ATP8A2: variants seen among roughly 807,000 people sequenced by gnomAD.
ATP8A2 encodes the protein ATPase phospholipid transporting 8A2.
A neutral mutation model predicts 165.6 loss-of-function variants in ATP8A2; 100 were observed. The observed-to-expected ratio is 0.60, with a 90% CI of 0.51 to 0.71. ATP8A2 has a LOEUF of 0.71. ATP8A2 is among the 30% of genes least tolerant of loss of function. ATP8A2 has a pLI of 0.00. For synonymous variants in ATP8A2, 543 were observed against 548.8 expected, an observed-to-expected ratio of 0.99 and a Z score of 0.15; for missense variants, 1,227 against 1,479.5, an observed-to-expected ratio of 0.83 and a Z score of 2.80.
chr13:25,545,568 G>A (rs2038622775), intron 10 of ATP8A2, among the ~76,000 whole-genome samples: 1 of 152,138 alleles, frequency 6.6e-6, no homozygotes, highest in African/African-American at 2.4e-5. Flanking sequence ...CCATAGTGCA[G>A]TGTCAGTAAC....
At chr13:25,982,360 A>T (rs963626437) in intron 35 of ATP8A2, among the ~76,000 whole-genome samples, 27 of 152,230 alleles carry the variant, frequency 1.8e-4, no homozygotes, top group African/African-American at 6.3e-4. Flanking sequence ...TGCTTTTCAC[A>T]TGACGCAGAA....
chr13:25,749,725 T>C (rs896840740), intron 25 of ATP8A2, among the ~76,000 whole-genome samples: 1 of 152,128 alleles, frequency 6.6e-6, no homozygotes, highest in South Asian at 2.1e-4. Flanking sequence ...AGCAGCCAAC[T>C]CATGTTCCTT....
At chr13:25,530,697 G>A in intron 4 of ATP8A2, 37 bp downstream of exon 4, 1 of 1,248,304 alleles carries the variant, frequency 8.0e-7, no homozygotes, top group South Asian at 1.3e-5. Flanking sequence ...ATCATTGTAT[G>A]CAGTAGATAA....
chr13:25,746,937 A>C (rs2138177160), intron 25 of ATP8A2, among the ~76,000 whole-genome samples: 1 of 152,274 alleles, frequency 6.6e-6, no homozygotes, highest in South Asian at 2.1e-4. Flanking sequence ...CCATGATCAA[A>C]GCTTCTTAGA....
rs549448991 is a variant in ATP8A2, at chr13:25,886,191, A to G, written c.3183+23783A>G. ...AAGTATATATATTTATGTATCTGTA[A>G]CTAATGAATACTGACATTAAGCTTT... is the stretch of plus-strand genomic sequence containing the variant. On this transcript the variant is annotated intron_variant, in intron 33 of 36. Coordinates refer to ENST00000381655, the MANE Select transcript of ATP8A2 (RefSeq NM_016529.6). Among the ~76,000 whole-genome samples the G allele has an allele frequency of 8.5e-5, 13 of 152,342 alleles. No individual in the cohort carries two copies. The South Asian group carries it at 2.7e-3, about 32-fold the overall frequency.
intron 27 of ATP8A2, among the ~76,000 whole-genome samples, chr13:25,791,479 G>A (rs1287073987): frequency 1.3e-5 from 2 of 150,848 alleles, no homozygotes; most frequent in Non-Finnish European, 2.9e-5. Flanking sequence ...AAACCACCAT[G>A]ACACAAGTTT....
chr13:25,698,977 G>A (rs2042892931), intron 24 of ATP8A2, among the ~76,000 whole-genome samples, 196 bp from the exon 25 acceptor site: 1 of 152,146 alleles, frequency 6.6e-6, no homozygotes, highest in Non-Finnish European at 1.5e-5. Flanking sequence ...TCACTATGAA[G>A]ATGTTTGTAC....
chr13:25,770,741 C>G (rs1364302050), intron 26 of ATP8A2, among the ~76,000 whole-genome samples: 1 of 152,176 alleles, frequency 6.6e-6, no homozygotes, highest in Non-Finnish European at 1.5e-5. Flanking sequence ...GGGCCTGTCC[C>G]TCTGTCTCCA....
At chr13:25,648,838 G>T (rs1235955427) in intron 24 of ATP8A2, among the ~76,000 whole-genome samples, 2 of 152,114 alleles carry the variant, frequency 1.3e-5, no homozygotes, top group Non-Finnish European at 2.9e-5. Context: ...ATTGTTGTGG[G>T]TTTTGTATTG....
intron 33 of ATP8A2, among the ~76,000 whole-genome samples, chr13:25,891,960 A>T (rs1953377096): frequency 6.6e-6 from 1 of 151,600 alleles, no homozygotes; most frequent in Non-Finnish European, 1.5e-5. Flanking sequence ...TTTTAAAAAG[A>T]TGGAGATGTA....
chr13:25,439,152 C>T (rs1228097226), intron 1 of ATP8A2, among the ~76,000 whole-genome samples: 4 of 152,200 alleles, frequency 2.6e-5, no homozygotes, highest in Non-Finnish European at 4.4e-5. Flanking sequence ...CTGAAGAAAA[C>T]GTAGCGACAG....
intron 2 of ATP8A2, among the ~76,000 whole-genome samples, chr13:25,507,369 A>G (rs116483726): frequency 0.059 from 9,016 of 151,742 alleles, 337 homozygotes; most frequent in South Asian, 0.13. Context: ...AGGTTCTAGC[A>G]ATTCTCCTGC....
intron 24 of ATP8A2, among the ~76,000 whole-genome samples, chr13:25,685,720 G>T (rs34406808): frequency 2.0e-5 from 3 of 151,964 alleles, no homozygotes; most frequent in Non-Finnish European, 2.9e-5. Context: ...TGGCACCAGA[G>T]GAGGTCAGAG....
chr13:25,513,453 A>C (rs1387008073), intron 2 of ATP8A2, among the ~76,000 whole-genome samples: 1 of 149,858 alleles, frequency 6.7e-6, no homozygotes, highest in Non-Finnish European at 1.5e-5. Context: ...GGCCGGGAAG[A>C]GGCGCTCCTC....
intron 33 of ATP8A2, among the ~76,000 whole-genome samples, chr13:25,932,490 A>C (rs917098822): frequency 2.0e-5 from 3 of 152,188 alleles, no homozygotes; most frequent in African/African-American, 7.2e-5. Context: ...GCAAAAGATC[A>C]AACCCAAATA....
intron 30 of ATP8A2, among the ~76,000 whole-genome samples, chr13:25,840,304 C>G (rs1476602837): frequency 1.3e-5 from 2 of 152,074 alleles, no homozygotes; most frequent in Non-Finnish European, 2.9e-5. Flanking sequence ...TAGTAATAAT[C>G]CCCCTGGGAA....
Position 25,929,072 on chromosome 13 carries a change from G to A in ATP8A2, c.3184-32503G>A, listed in dbSNP as rs139258251. On this transcript the variant is annotated intron_variant, in intron 33 of 36. Transcript: ENST00000381655. ...CAACCTCTTCCCGAGGTTATGTTCT[G>A]CATCTCTGTGGCTGACTCACAAGCC... Among the ~76,000 whole-genome samples the A allele has an allele frequency of 2.2e-3, 335 of 152,240 alleles. 1 individual carries two copies. The highest frequency in any genetic ancestry group is 7.7e-3 in the African/African-American group (320 of 41,528).
At chr13:26,016,318 A>G (rs1337644559) in intron 36 of ATP8A2, among the ~76,000 whole-genome samples, 6 of 152,204 alleles carry the variant, frequency 3.9e-5, no homozygotes, top group Admixed American at 2.0e-4. Flanking sequence ...TGGGAGGTTT[A>G]CAACAGGAGG....
chr13:25,838,025 A>C (rs989183100), intron 29 of ATP8A2, among the ~76,000 whole-genome samples: 1 of 152,182 alleles, frequency 6.6e-6, no homozygotes, highest in African/African-American at 2.4e-5. Flanking sequence ...CTGGGCACAG[A>C]GGGGCGAGAT....
Sources: gnomAD v4.1 joint callset for allele counts (sites outside exome capture counted in the v4.1 genomes callset) on GRCh38, gnomAD v4.1.1 for gene constraint, MANE v1.5 for transcripts, NCBI Gene and HGNC (gene_info 2026-07-23, HGNC 2026-07-21) for gene names.